The following RNF4 variants were observed in gnomAD, a reference collection of about 807,000 sequenced individuals.
RNF4 encodes the protein ring finger protein 4, also known as E3 ubiquitin-protein ligase RNF4.
A neutral mutation model predicts 24.3 loss-of-function variants in RNF4; 7 were observed. The observed-to-expected ratio is 0.29, with a 90% CI of 0.16 to 0.54. The LOEUF (loss-of-function observed/expected upper bound fraction) is 0.54, where lower values mean the gene tolerates loss of function less well. RNF4 is among the 20% of genes least tolerant of loss of function. RNF4 has a pLI of 0.95. For missense variants in RNF4, 209 were observed against 248.5 expected (o/e 0.84, Z 1.07); for synonymous variants, 83 against 84.3 (o/e 0.98, Z 0.09).
rs1196831834 is a variant in RNF4 at position 2,513,956 on chromosome 4, C to T, written c.*137C>T. ...TGATATGTAAACTGCTCTTTTGTTT[C>T]CAACCCCTTCCTTTTGTTATCTCCA... is the stretch of plus-strand genomic sequence containing the variant. On this transcript the variant is annotated 3_prime_UTR_variant, in exon 8 of 8. Transcript: ENST00000314289. 8.7e-7 allele frequency: 1 copy of T among 1,146,296 alleles called. No individual in the cohort carries two copies. The highest frequency in any genetic ancestry group is 1.5e-5 in the African/African-American group (1 of 64,988). 71.0% of individuals were successfully genotyped at this position (1,146,296 alleles called of 1,614,324 possible).
intron 3 of RNF4, chr4:2,497,406 G>C (rs775086411): frequency 4.3e-6 from 1 of 234,184 alleles, no homozygotes; most frequent in Non-Finnish European, 8.4e-6. Context: ...CCCAATTGCT[G>C]GACCTTGTAA....
intron 1 of RNF4, among the ~76,000 whole-genome samples, chr4:2,478,061 T>C (rs1028717541): frequency 6.6e-6 from 1 of 152,206 alleles, no homozygotes; most frequent in African/African-American, 2.4e-5. Flanking sequence ...TGTTGGGAAC[T>C]GGAGCAAGGG....
rs556935340 is a variant in RNF4 at position 2,501,520 on chromosome 4, T to C, written c.204+782T>C. On this transcript the variant is annotated intron_variant, in intron 4 of 7. Transcript: ENST00000314289. The stretch of plus-strand genomic sequence containing the variant: ...GTCCTGCCTGCCAGGAGGGAGGCCT[T>C]GTCTGGTCAGAGGACACACGGAGAA... 2.6e-5 allele frequency among the ~76,000 whole-genome samples: 4 copies of C among 152,308 alleles called. No homozygotes were observed. The South Asian group carries it at 8.3e-4, about 32-fold the overall frequency.
At chr4:2,477,103 A>C (rs565673131) in intron 1 of RNF4, among the ~76,000 whole-genome samples, 1 of 152,120 alleles carries the variant, frequency 6.6e-6, no homozygotes, top group Non-Finnish European at 1.5e-5. Flanking sequence ...ACTTTAAGCT[A>C]AATTAATCCT....
intron 3 of RNF4, among the ~76,000 whole-genome samples, chr4:2,498,845 C>T (rs1208502676): frequency 6.6e-6 from 1 of 152,110 alleles, no homozygotes; most frequent in Non-Finnish European, 1.5e-5. Context: ...GAGCCGTGAT[C>T]GTGCCACTGC....
chr4:2,498,948 G>A (rs1270798673), intron 3 of RNF4, among the ~76,000 whole-genome samples: 4 of 152,086 alleles, frequency 2.6e-5, no homozygotes, highest in African/African-American at 9.7e-5. Context: ...TATAATCCCA[G>A]CACTTTGGGA....
intron 2 of RNF4, among the ~76,000 whole-genome samples, chr4:2,495,433 C>T (rs879152920): frequency 2.6e-5 from 4 of 152,164 alleles, no homozygotes; most frequent in Non-Finnish European, 4.4e-5. Flanking sequence ...TCCGTCTCTG[C>T]GCAGTACTTT....
chr4:2,474,303 A>G (rs897672615), intron 1 of RNF4, among the ~76,000 whole-genome samples: 3 of 151,260 alleles, frequency 2.0e-5, no homozygotes, highest in Non-Finnish European at 4.4e-5. Flanking sequence ...GCTTGAACCC[A>G]GGAGGCAGAG....
At chr4:2,502,348 A>G (rs867642204) in intron 4 of RNF4, among the ~76,000 whole-genome samples, 59 of 152,280 alleles carry the variant, frequency 3.9e-4, no homozygotes, top group African/African-American at 1.1e-3. Flanking sequence ...CTGACAAACC[A>G]ACATCATTTC....
At position 2,514,992 on chromosome 4, in the gene RNF4, G is replaced by C. The variant is rs1470426034; in HGVS notation, c.*1173G>C. The C allele has an allele frequency of 1.3e-5, 2 of 152,394 alleles. No individual in the cohort carries two copies. The highest frequency in any genetic ancestry group is 2.9e-5 in the Non-Finnish European group (2 of 68,092). The allele number at this position is 152,394 out of a possible 1,614,324, so 9.4% of individuals were successfully genotyped here. ...AACCTCTCCTTCGCTCCACAGGTAC[G>C]CGGGAGCCTCAGGTTCTCTCAGGGG... is the stretch of plus-strand genomic sequence containing the variant. On this transcript the variant is annotated 3_prime_UTR_variant, in exon 8 of 8. Transcript: ENST00000314289.
In RNF4 at chr4:2,490,382, A is replaced by G. The variant is rs913114594; in HGVS notation, c.-112A>G. 5.8e-6 allele frequency: 6 copies of G among 1,034,200 alleles called. No homozygotes were observed. The highest frequency in any genetic ancestry group is 1.6e-5 in the African/African-American group (1 of 62,634). 64.1% of individuals were successfully genotyped at this position (1,034,200 alleles called of 1,614,324 possible). ...CTGTCCGGATCCAAATTATTTTGCA[A>G]GCCAGATGAGTAACCAGAGGGCATG... is the stretch of plus-strand genomic sequence containing the variant. On this transcript the variant is annotated 5_prime_UTR_variant, in exon 2 of 8. Coordinates refer to ENST00000314289, the MANE Select transcript of RNF4 (RefSeq NM_002938.5).
chr4:2,475,897 T>G (rs1488309325), intron 1 of RNF4, among the ~76,000 whole-genome samples: 1 of 152,192 alleles, frequency 6.6e-6, no homozygotes, highest in Non-Finnish European at 1.5e-5. Context: ...CACCCCTGAC[T>G]CCTACCTTTG....
intron 1 of RNF4, among the ~76,000 whole-genome samples, chr4:2,486,428 C>T (rs1735409939): frequency 6.6e-6 from 1 of 152,170 alleles, no homozygotes; most frequent in South Asian, 2.1e-4. Flanking sequence ...CCTCAGTGCC[C>T]TGGTGAAATC....
At chr4:2,473,027 G>A (rs1357366449) in intron 1 of RNF4, among the ~76,000 whole-genome samples, 5 of 150,984 alleles carry the variant, frequency 3.3e-5, no homozygotes, top group East Asian at 2.0e-4. Context: ...GCAACAGAGC[G>A]AGACTCCATC....
chr4:2,494,226 C>T (rs529055634), intron 2 of RNF4, among the ~76,000 whole-genome samples: 26 of 152,180 alleles, frequency 1.7e-4, no homozygotes, highest in African/African-American at 6.3e-4. Flanking sequence ...GTACACTCAC[C>T]AGTTGTTTTG....
At chr4:2,478,177 A>C (rs1409027933) in intron 1 of RNF4, among the ~76,000 whole-genome samples, 1 of 152,232 alleles carries the variant, frequency 6.6e-6, no homozygotes, top group African/African-American at 2.4e-5. Flanking sequence ...ATCTGGCAGA[A>C]TAAATTTCTA....
Position 2,512,288 on chromosome 4 carries a change from C to T in RNF4, c.215-150C>T, listed in dbSNP as rs1484754008. On this transcript the variant is annotated intron_variant, in intron 5 of 7. Coordinates refer to ENST00000314289, the MANE Select transcript of RNF4 (RefSeq NM_002938.5). This position sits in a 1 kb window ranked among gnomAD's most constrained non-coding sequence, Gnocchi z 4.1. ...TAGTGGCCTCCAGAGCTGGGCAGAA[C>T]CTTCTGGGTTATAGCTGAGCATGGC... The T allele has an allele frequency of 2.1e-6, 2 of 955,248 alleles. No homozygotes were observed. The highest frequency in any genetic ancestry group is 3.2e-6 in the Non-Finnish European group (2 of 621,826). 59.2% of individuals were successfully genotyped at this position (955,248 alleles called of 1,614,324 possible). A position where few individuals can be genotyped will look rare whatever the true frequency, so the allele number is the denominator to read the frequency against.
At chr4:2,488,171 CT>C (rs1452131807) in intron 1 of RNF4, among the ~76,000 whole-genome samples, 1 of 152,086 alleles carries the variant, frequency 6.6e-6, no homozygotes, top group East Asian at 1.9e-4. Flanking sequence ...TTTCTTAAAG[CT>C]GGGTGGGAGG....
intron 4 of RNF4, chr4:2,505,337 T>TC (rs1736047393): frequency 6.6e-6 from 1 of 151,698 alleles, no homozygotes; most frequent in Non-Finnish European, 1.5e-5. Context: ...TCTTTTTTTT[T>TC]TTTTTTGAGA....
Sources: gnomAD v4.1 joint callset for allele counts (sites outside exome capture counted in the v4.1 genomes callset) on GRCh38, gnomAD v4.1.1 for gene constraint, Gnocchi (gnomAD v3.1) non-coding constraint, MANE v1.5 for transcripts, NCBI Gene and HGNC (gene_info 2026-07-23, HGNC 2026-07-21) for gene names.